The following RASGEF1A variants were observed in gnomAD, a reference collection of about 807,000 sequenced individuals.
The protein encoded by RASGEF1A is ras-GEF domain-containing family member 1A.
RASGEF1A carries 18 observed loss-of-function variants against 56.4 expected under a neutral mutation model. That is an observed-to-expected ratio of 0.32 (90% CI 0.22 to 0.47). RASGEF1A has a LOEUF of 0.47. Ranked by LOEUF, RASGEF1A falls within the 20% of genes least tolerant of loss-of-function variation. The probability of loss-of-function intolerance (pLI) is 1.00; values close to 1 mark genes in which losing one functional copy is unlikely to be tolerated. For synonymous variants in RASGEF1A, 245 were observed against 242.6 expected, an observed-to-expected ratio of 1.01 and a Z score of -0.09; for missense variants, 422 against 627.1, an observed-to-expected ratio of 0.67 and a Z score of 3.49.
At chr10:43,229,893 G>A (rs1840339353) in intron 1 of RASGEF1A, among the ~76,000 whole-genome samples, 1 of 152,036 alleles carries the variant, frequency 6.6e-6, no homozygotes, top group Non-Finnish European at 1.5e-5. Context: ...GCCGAGGCTA[G>A]GAGCATGGCG....
At chr10:43,240,968 T>A (rs1840491458) in intron 1 of RASGEF1A, among the ~76,000 whole-genome samples, 1 of 152,196 alleles carries the variant, frequency 6.6e-6, no homozygotes, top group Non-Finnish European at 1.5e-5. Context: ...CAACCATGAA[T>A]TCTTTATGCA....
At chr10:43,221,795 C>A (rs1255799998) in intron 1 of RASGEF1A, among the ~76,000 whole-genome samples, 1 of 152,244 alleles carries the variant, frequency 6.6e-6, no homozygotes, top group Admixed American at 6.5e-5. Flanking sequence ...GGCCTCCCAC[C>A]TGCTGGGCCC....
intron 1 of RASGEF1A, chr10:43,207,769 G>T: frequency 1.1e-6 from 1 of 930,464 alleles, no homozygotes; most frequent in Non-Finnish European, 1.3e-6. Context: ...AAACTCTGGG[G>T]TGGACTGCTT....
intron 1 of RASGEF1A, among the ~76,000 whole-genome samples, chr10:43,247,881 G>A (rs2133222561): frequency 6.6e-6 from 1 of 152,112 alleles, no homozygotes; most frequent in South Asian, 2.1e-4. Flanking sequence ...GGCCAACATG[G>A]TGAAACCCCG....
intron 1 of RASGEF1A, among the ~76,000 whole-genome samples, chr10:43,238,130 C>T (rs1356235206): frequency 6.6e-6 from 1 of 151,802 alleles, no homozygotes; most frequent in Non-Finnish European, 1.5e-5. Flanking sequence ...TTGAGACCTG[C>T]CTTCAGGAGG....
At chr10:43,224,747 A>G (rs747599528) in intron 1 of RASGEF1A, among the ~76,000 whole-genome samples, 3 of 152,246 alleles carry the variant, frequency 2.0e-5, no homozygotes, top group South Asian at 2.1e-4. Context: ...AGAAAACATA[A>G]TAAGATAAGA....
At chr10:43,203,972 G>A (rs1208525873) in intron 2 of RASGEF1A, among the ~76,000 whole-genome samples, 1 of 152,166 alleles carries the variant, frequency 6.6e-6, no homozygotes, top group Non-Finnish European at 1.5e-5. Context: ...CAGGGGCAAT[G>A]CTGGTGGGGG....
chr10:43,260,830 C>T (rs890267945), intron 1 of RASGEF1A, among the ~76,000 whole-genome samples: 2 of 152,250 alleles, frequency 1.3e-5, no homozygotes, highest in Admixed American at 1.3e-4. Flanking sequence ...ACTTTCTATT[C>T]CATTGTTTCT....
chr10:43,204,867 C>G (rs547513164), intron 2 of RASGEF1A, among the ~76,000 whole-genome samples: 1 of 152,376 alleles, frequency 6.6e-6, no homozygotes, highest in African/African-American at 2.4e-5. Flanking sequence ...CTGCCCTGGA[C>G]TACCTCAGGG....
At chr10:43,236,477 G>C (rs1024399169) in intron 1 of RASGEF1A, among the ~76,000 whole-genome samples, 17 of 152,254 alleles carry the variant, frequency 1.1e-4, no homozygotes, top group African/African-American at 4.1e-4. Flanking sequence ...ATGCATGTGT[G>C]CATGTCTGCA....
Position 43,196,516 on chromosome 10 carries a change from GA to G in RASGEF1A, c.1380del (p.Glu462ArgfsTer17). ...ALFVASFESE[G>X]PENHMEKDSW... Reference sequence around the variant, plus strand: ...CTGTCTTTTTCCATGTGGTTCTCGGGACCCTCACTTTCAAAGGAGGCGACGA... The same window carrying G: ...CTGTCTTTTTCCATGTGGTTCTCGGGCCCTCACTTTCAAAGGAGGCGACGA... On this transcript the variant is annotated frameshift_variant, in exon 12 of 13. Transcript: ENST00000395810. LOFTEE classifies it high-confidence loss of function. The surrounding 1 kb of genome is among the most constrained non-coding windows in gnomAD (Gnocchi z 4.6). 3.1e-6 allele frequency: 5 copies of G among 1,613,900 alleles called. No homozygotes were observed. Among genetic ancestry groups the G allele is most frequent in the Non-Finnish European group, 4.2e-6 (5 of 1,180,012 alleles).
intron 1 of RASGEF1A, among the ~76,000 whole-genome samples, chr10:43,225,525 CTG>C (rs1476647501): frequency 2.0e-5 from 3 of 151,584 alleles, no homozygotes; most frequent in African/African-American, 7.3e-5. Context: ...CTGTGTGTCT[CTG>C]TGTCTGTGTG....
intron 1 of RASGEF1A, among the ~76,000 whole-genome samples, chr10:43,209,415 C>G (rs889844398): frequency 3.3e-5 from 5 of 152,198 alleles, no homozygotes; most frequent in African/African-American, 1.2e-4. Flanking sequence ...GGCTCCACCA[C>G]CTGTCTTGGC....
chr10:43,238,740 C>T (rs871763), intron 1 of RASGEF1A, among the ~76,000 whole-genome samples: 25,285 of 152,120 alleles, frequency 0.17, 2,712 homozygotes, highest in East Asian at 0.51. Context: ...GCTGGTAGGG[C>T]ATGTGGGCAG....
chr10:43,200,597 G>A, intron 5 of RASGEF1A, 70 bp downstream of exon 5: 2 of 1,372,332 alleles, frequency 1.5e-6, no homozygotes, highest in South Asian at 2.5e-5. Flanking sequence ...GGGGCCTGAA[G>A]TGCTGTGCTG....
Position 43,196,862 on chromosome 10 carries a change from G to T in RASGEF1A, c.1348+114C>A. ...CGCCCCTGCGAGCAGAGCCAGCCCTGTGTGGCATGGAGCAGCCAGCAGGCC... is the reference window on the plus strand; with the variant it reads ...CGCCCCTGCGAGCAGAGCCAGCCCTTTGTGGCATGGAGCAGCCAGCAGGCC... On this transcript the variant is annotated intron_variant, in intron 11 of 12. Coordinates refer to ENST00000395810, the MANE Select transcript of RASGEF1A (RefSeq NM_145313.4). The surrounding 1 kb of genome is among the most constrained non-coding windows in gnomAD (Gnocchi z 4.6). 7.6e-7 allele frequency: 1 copy of T among 1,320,010 alleles called. No homozygotes were observed. Among genetic ancestry groups the T allele is most frequent in the Admixed American group, 2.0e-5 (1 of 49,586 alleles). The allele number at this position is 1,320,010 out of a possible 1,614,324, so 81.8% of individuals were successfully genotyped here.
At position 43,231,510 on chromosome 10, in the gene RASGEF1A, TGG is replaced by T. The variant is rs1840366941; in HGVS notation, c.-6-25390_-6-25389del. Among the ~76,000 whole-genome samples, 4 of 152,332 alleles carry T rather than the reference TGG, an allele frequency of 2.6e-5. 1 individual carries two copies. The highest frequency in any genetic ancestry group is 2.6e-4 in the Admixed American group (4 of 15,302). On this transcript the variant is annotated intron_variant, in intron 1 of 12. Coordinates refer to ENST00000395810, the MANE Select transcript of RASGEF1A (RefSeq NM_145313.4). ...GTGACACTCTAGAGGAGGTGGTGGA[TGG>T]GTGGGCAGCCCCACAAGCCTTCTTA...
chr10:43,201,694 G>T, intron 4 of RASGEF1A, 114 bp downstream of exon 4: 1 of 1,159,754 alleles, frequency 8.6e-7, no homozygotes, highest in Non-Finnish European at 1.1e-6. Flanking sequence ...ACCCTCCTGG[G>T]GGAGTAACAT....
chr10:43,247,914 A>C (rs1840584664), intron 1 of RASGEF1A, among the ~76,000 whole-genome samples: 1 of 151,560 alleles, frequency 6.6e-6, no homozygotes. Context: ...CTACAAAAAA[A>C]TTAGCCAGCC....
Sources: gnomAD v4.1 joint callset for allele counts (sites outside exome capture counted in the v4.1 genomes callset) on GRCh38, gnomAD v4.1.1 for gene constraint, Gnocchi (gnomAD v3.1) non-coding constraint, MANE v1.5 for transcripts, NCBI Gene and HGNC (gene_info 2026-07-23, HGNC 2026-07-21) for gene names.